Variants in SF3B2 observed in about 807,000 individuals in gnomAD.
The protein encoded by SF3B2 is splicing factor 3b subunit 2.
A neutral mutation model predicts 116.3 loss-of-function variants in SF3B2; 22 were observed. The ratio of observed to expected loss-of-function variants is 0.19; its 90% CI spans 0.14 to 0.27. SF3B2 has a LOEUF of 0.27. Among genes scored for constraint, SF3B2 ranks in the 10% least tolerant of loss-of-function variants. The pLI is 1.00. For synonymous variants in SF3B2, 406 were observed against 421.6 expected, an observed-to-expected ratio of 0.96 and a Z score of 0.45; for missense variants, 767 against 1,151.4, an observed-to-expected ratio of 0.67 and a Z score of 4.83.
intron 19 of SF3B2, chr11:66,066,864 TCTATC>T (rs1317133277): frequency 6.4e-6 from 1 of 156,392 alleles, no homozygotes; most frequent in Admixed American, 6.2e-5. Context: ...TCTCCAGTAC[TCTATC>T]CTGTGAACTC....
Position 66,069,122 on chromosome 11 carries a change from G to T in SF3B2, c.*377G>T. The stretch of plus-strand genomic sequence containing the variant: ...GCTTGGGGGAAGTACCTCTAGGTCT[G>T]GTTTGACCTTACTACTTTGTCCTTG... On this transcript the variant is annotated 3_prime_UTR_variant, in exon 22 of 22. Coordinates refer to ENST00000322535, the MANE Select transcript of SF3B2 (RefSeq NM_006842.3). The T allele has an allele frequency of 2.8e-6, 1 of 363,288 alleles. No individual in the cohort carries two copies. The highest frequency in any genetic ancestry group is 2.2e-5 in the South Asian group (1 of 44,698). 22.5% of individuals were successfully genotyped at this position (363,288 alleles called of 1,614,324 possible). A position where few individuals can be genotyped will look rare whatever the true frequency, so the allele number is the denominator to read the frequency against.
chr11:66,055,574 C>G lies in SF3B2; in HGVS notation c.538C>G (p.Gln180Glu). 6.2e-7 allele frequency: 1 copy of G among 1,614,180 alleles called. No individual in the cohort carries two copies. The highest frequency in any genetic ancestry group is 8.5e-7 in the Non-Finnish European group (1 of 1,180,032). Reference sequence around the variant, plus strand: ...GCTGAAGGAACATGAGCTCTTGGAGCAGCAGAAGCGGGTAATACCCCTCCC... The same window carrying G: ...GCTGAAGGAACATGAGCTCTTGGAGGAGCAGAAGCGGGTAATACCCCTCCC... Reference protein sequence around the residue: ...HSLKEHELLEQQKRAAVLLEQ... With the variant: ...HSLKEHELLEEQKRAAVLLEQ... Residue 180 changes from glutamine to glutamate, a missense_variant, in exon 5 of 22, where the codon CAG becomes GAG. By Grantham distance (29) the Gln-to-Glu change is conservative. Coordinates refer to ENST00000322535, the MANE Select transcript of SF3B2 (RefSeq NM_006842.3).
rs1565085412 is a variant in SF3B2, at chr11:66,052,734, C to G, written c.180+15C>G. ...ACACCCGCCAGGTAGGTGTTGGCGG[C>G]GGGACGTCAGGATAGGCCGAGCTTC... On this transcript the variant is annotated intron_variant, in intron 2 of 21. Coordinates refer to ENST00000322535, the MANE Select transcript of SF3B2 (RefSeq NM_006842.3). 3 of 1,556,752 alleles carry G rather than the reference C, an allele frequency of 1.9e-6. No individual in the cohort carries two copies. Among genetic ancestry groups the G allele is most frequent in the Non-Finnish European group, 2.6e-6 (3 of 1,155,254 alleles).
intron 3 of SF3B2, among the ~76,000 whole-genome samples, chr11:66,054,787 A>G (rs1450324735): frequency 1.3e-5 from 2 of 152,160 alleles, no homozygotes; most frequent in African/African-American, 4.8e-5. Context: ...TGTGTGTAGG[A>G]TGAGGAGTCC....
At chr11:66,067,635 C>A (rs976515340) in intron 19 of SF3B2, 3 of 477,182 alleles carry the variant, frequency 6.3e-6, no homozygotes, top group Non-Finnish European at 1.2e-5. Flanking sequence ...TTCTCTGTAC[C>A]AAAGTTCTTT....
intron 16 of SF3B2, among the ~76,000 whole-genome samples, chr11:66,062,763 G>C (rs1044768428): frequency 1.3e-5 from 2 of 152,208 alleles, no homozygotes; most frequent in African/African-American, 4.8e-5. Flanking sequence ...AGACAGTAAA[G>C]ACTCTGCCAT....
At chr11:66,068,481 C>G (rs998839852) in intron 21 of SF3B2, 148 bp downstream of exon 21, 12 of 935,416 alleles carry the variant, frequency 1.3e-5, no homozygotes, top group Non-Finnish European at 1.9e-5. Context: ...CTTAGAAATC[C>G]TCCAGTGGGC....
chr11:66,058,806 AGCTG>A lies in SF3B2; in HGVS notation c.967-22_967-19del, dbSNP rs1202264693. 9 of 1,598,034 alleles carry A rather than the reference AGCTG, an allele frequency of 5.6e-6. No individual in the cohort carries two copies. The highest frequency in any genetic ancestry group is 6.8e-6 in the Non-Finnish European group (8 of 1,171,562). On this transcript the variant is annotated intron_variant, in intron 9 of 21. Transcript: ENST00000322535. ...GCACAGTGCTTGGATTCCCTGACCC[AGCTG>A]GTTTTCCTCCTCTTGACAGAAAAAC...
chr11:66,055,490 C>A, intron 4 of SF3B2, 45 bp from the exon 5 acceptor site: 1 of 1,608,884 alleles, frequency 6.2e-7, no homozygotes, highest in South Asian at 1.1e-5. Context: ...GGCAGATTGG[C>A]GTGTTGGGTA....
At chr11:66,052,779 C>G (rs1021021961) in intron 2 of SF3B2, 60 bp downstream of exon 2, 215 of 1,495,992 alleles carry the variant, frequency 1.4e-4, no homozygotes, top group Non-Finnish European at 1.9e-4. Flanking sequence ...CCTTATATAC[C>G]CCATCACGGC....
chr11:66,054,918 A>G (rs368995580), intron 3 of SF3B2, among the ~76,000 whole-genome samples, 158 bp from the exon 4 acceptor site: 2 of 152,156 alleles, frequency 1.3e-5, no homozygotes, highest in East Asian at 1.9e-4. Context: ...TAACATTCTC[A>G]TATCTTTATA....
chr11:66,067,280 T>A, intron 19 of SF3B2: 1 of 397,936 alleles, frequency 2.5e-6, no homozygotes, highest in Non-Finnish European at 5.0e-6. Context: ...CTTTAGGTCA[T>A]GGTAAGGAGT....
At chr11:66,056,979 A>G in intron 6 of SF3B2, 24 bp downstream of exon 6, 1 of 1,514,040 alleles carries the variant, frequency 6.6e-7, no homozygotes. Flanking sequence ...ACCGAGGGGA[A>G]GGGCAAGGAA....
chr11:66,053,176 G>A (rs1388137020), intron 3 of SF3B2, 72 bp downstream of exon 3: 1 of 1,388,126 alleles, frequency 7.2e-7, no homozygotes, highest in African/African-American at 1.4e-5. Context: ...TGATGATTGG[G>A]TGTTCACGTG....
chr11:66,059,814 C>T lies in SF3B2; in HGVS notation c.1434C>T (p.His478=), dbSNP rs1053443497. The part of the protein sequence containing the change: ...LVARPDVVEM[H]DVTAQDPKLL... ...CTCGGCCCGATGTCGTGGAGATGCACGATGTGACAGCGCAGGACCCTAAGC... is the reference window on the plus strand; with the variant it reads ...CTCGGCCCGATGTCGTGGAGATGCATGATGTGACAGCGCAGGACCCTAAGC... Residue 478 remains histidine (H), a synonymous_variant, in exon 13 of 22, where the codon CAC becomes CAT. Transcript: ENST00000322535. This position sits in a 1 kb window ranked among gnomAD's most constrained non-coding sequence, Gnocchi z 5.0. The T allele has an allele frequency of 1.4e-5, 22 of 1,614,082 alleles. No homozygotes were observed. The highest frequency in any genetic ancestry group is 1.7e-5 in the Non-Finnish European group (20 of 1,180,042).
chr11:66,052,578 C>A (rs1856899685), intron 1 of SF3B2, 61 bp downstream of exon 1: 2 of 1,593,786 alleles, frequency 1.3e-6, no homozygotes, highest in South Asian at 2.2e-5. Flanking sequence ...AGCCTGGTTA[C>A]CCGGGAGACT....
At chr11:66,053,143 G>T (rs752725113) in intron 3 of SF3B2, 39 bp downstream of exon 3, 1 of 1,575,642 alleles carries the variant, frequency 6.3e-7, no homozygotes, top group Admixed American at 1.7e-5. Context: ...TCCATCTGCT[G>T]ATCCTTTTGT....
At chr11:66,062,933 A>T (rs1857122150) in intron 16 of SF3B2, 76 bp from the exon 17 acceptor site, 1 of 885,428 alleles carries the variant, frequency 1.1e-6, no homozygotes, top group African/African-American at 1.7e-5. Context: ...TGTACTTTTG[A>T]GTGTGCCTTT....
intron 14 of SF3B2, among the ~76,000 whole-genome samples, chr11:66,061,436 G>A (rs1353372986): frequency 6.6e-6 from 1 of 152,144 alleles, no homozygotes; most frequent in Non-Finnish European, 1.5e-5. Flanking sequence ...TCTTCCTGTC[G>A]AGTGCCCTCA....
Sources: allele counts gnomAD v4.1 joint callset (sites outside exome capture counted in the v4.1 genomes callset), GRCh38; gene constraint gnomAD v4.1.1; non-coding constraint Gnocchi (gnomAD v3.1); transcripts MANE v1.5; gene names NCBI Gene and HGNC (gene_info 2026-07-23, HGNC 2026-07-21).